Variants in GFOD2 observed in about 807,000 individuals in gnomAD.
GFOD2 encodes glucose-fructose oxidoreductase domain-containing protein 2.
In GFOD2, 9 loss-of-function variants were observed where a neutral mutation model predicts 24.6. That is an observed-to-expected ratio of 0.37 (90% CI 0.22 to 0.64). The LOEUF (loss-of-function observed/expected upper bound fraction) is 0.64. Ranked by LOEUF, GFOD2 falls within the 30% of genes least tolerant of loss-of-function variation. The pLI, the probability that GFOD2 is intolerant of heterozygous loss-of-function variation, is 0.65. For synonymous variants in GFOD2, 211 were observed against 224.8 expected (o/e 0.94, Z 0.55); for missense variants, 476 against 532.5 (o/e 0.89, Z 1.04).
Position 67,710,441 on chromosome 16 carries a change from C to T in GFOD2, c.-88+8722G>A, listed in dbSNP as rs758113933. Among the ~76,000 whole-genome samples, 37 of 152,108 alleles carry T rather than the reference C, an allele frequency of 2.4e-4. 1 individual carries two copies. Among genetic ancestry groups the T allele is most frequent in the Admixed American group, 1.1e-3 (17 of 15,268 alleles). On this transcript the variant is annotated intron_variant, in intron 1 of 2. Transcript: ENST00000268797. ...GTGCAGTGGTGCGATCTCAGCTCAC[C>T]GCAAGCTCCGCCTCCCGGGTTCACG...
At chr16:67,707,183 A>AC (rs1268272236) in intron 1 of GFOD2, among the ~76,000 whole-genome samples, 1 of 151,924 alleles carries the variant, frequency 6.6e-6, no homozygotes, top group Non-Finnish European at 1.5e-5. Flanking sequence ...ACATGGTGAA[A>AC]CCCCATGTCT....
chr16:67,714,341 T>C (rs1381835222), intron 1 of GFOD2, among the ~76,000 whole-genome samples: 2 of 151,678 alleles, frequency 1.3e-5, no homozygotes, highest in Non-Finnish European at 2.9e-5. Flanking sequence ...TAGCCAGGCA[T>C]GAAGGCGCAC....
rs1298369995 is a variant in GFOD2, at chr16:67,691,559, T to G, written c.-87-5757A>C. ...AGACTCTGCGGCAGGTCCCTCTGCA[T>G]AGCACAGCTTCTGCTTTCTTTGAGA... On this transcript the variant is annotated intron_variant, in intron 1 of 2. Transcript: ENST00000268797. 3.4e-5 allele frequency among the ~76,000 whole-genome samples: 5 copies of G among 148,238 alleles called. No homozygotes were observed. In the East Asian group the frequency reaches 9.8e-4, roughly 29 times the overall value.
At chr16:67,682,701 G>A in intron 2 of GFOD2, 1 of 985,212 alleles carries the variant, frequency 1.0e-6, no homozygotes, top group Non-Finnish European at 1.2e-6. Flanking sequence ...AATAATGAGG[G>A]CAAGAAATGA....
At chr16:67,677,734 A>G (rs1215324184) in intron 2 of GFOD2, 1 of 152,254 alleles carries the variant, frequency 6.6e-6, no homozygotes, top group Non-Finnish European at 1.5e-5. Context: ...ACTGGATACC[A>G]AGTCTTGGGC....
intron 1 of GFOD2, among the ~76,000 whole-genome samples, chr16:67,697,514 A>G (rs760488351): frequency 2.0e-5 from 3 of 152,202 alleles, no homozygotes; most frequent in Non-Finnish European, 4.4e-5. Flanking sequence ...TGTTGTACAG[A>G]TAAGAAAACA....
At position 67,718,898 on chromosome 16, in the gene GFOD2, C is replaced by T. The variant is rs763941882; in HGVS notation, c.-88+265G>A. Reference sequence around the variant, plus strand: ...CATCTGGTAAAAGGATGGGTTATGTCTCAGGTTCTTCCAGGATCCCAAATC... The same window carrying T: ...CATCTGGTAAAAGGATGGGTTATGTTTCAGGTTCTTCCAGGATCCCAAATC... On this transcript the variant is annotated intron_variant, in intron 1 of 2. Coordinates refer to ENST00000268797, the MANE Select transcript of GFOD2 (RefSeq NM_030819.4). Among the ~76,000 whole-genome samples, 15 of 152,164 alleles carry T rather than the reference C, an allele frequency of 9.9e-5. 1 individual carries two copies. Among genetic ancestry groups the T allele is most frequent in the Non-Finnish European group, 2.1e-4 (14 of 68,034 alleles).
chr16:67,702,339 G>C (rs959301795), intron 1 of GFOD2, among the ~76,000 whole-genome samples: 20 of 151,924 alleles, frequency 1.3e-4, no homozygotes, highest in African/African-American at 4.3e-4. Context: ...CCAGGCTTCA[G>C]GGTGTGCGCC....
intron 2 of GFOD2, 107 bp from the exon 3 acceptor site, chr16:67,676,160 T>C: frequency 8.9e-7 from 1 of 1,128,390 alleles, no homozygotes; most frequent in Non-Finnish European, 1.2e-6. Flanking sequence ...CTGCACGAAC[T>C]AATTTTTTTT....
At chr16:67,684,792 C>A (rs144021557) in intron 2 of GFOD2, 2 of 984,986 alleles carry the variant, frequency 2.0e-6, no homozygotes, top group Admixed American at 1.2e-4. Flanking sequence ...GAAGTTGACT[C>A]CAGTTGACTG....
chr16:67,678,615 T>A (rs1432443467), intron 2 of GFOD2, among the ~76,000 whole-genome samples: 2 of 152,142 alleles, frequency 1.3e-5, no homozygotes, highest in Non-Finnish European at 2.9e-5. Flanking sequence ...ATTCCTGTGC[T>A]CAAATCTTGG....
intron 1 of GFOD2, among the ~76,000 whole-genome samples, chr16:67,702,408 A>G (rs1018186881): frequency 1.3e-5 from 2 of 151,734 alleles, no homozygotes; most frequent in African/African-American, 4.8e-5. Flanking sequence ...TGGGAGGCAG[A>G]GGTTGCAGTG....
At chr16:67,682,039 T>A (rs1043209512) in intron 2 of GFOD2, 8 of 282,736 alleles carry the variant, frequency 2.8e-5, no homozygotes, top group Non-Finnish European at 4.2e-5. Context: ...TTTTTACTTT[T>A]CTTTTCTTTT....
rs1383190629 is a variant in GFOD2, at chr16:67,685,797, T to C, written c.-82A>G. 4.7e-6 allele frequency: 7 copies of C among 1,490,248 alleles called. No homozygotes were observed. In the African/African-American group the frequency reaches 8.3e-5, roughly 18 times the overall value. The allele number at this position is 1,490,248 out of a possible 1,614,324, so 92.3% of individuals were successfully genotyped here. A position where few individuals can be genotyped will look rare whatever the true frequency, so the allele number is the denominator to read the frequency against. On this transcript the variant is annotated 5_prime_UTR_variant, in exon 2 of 3. An upstream start codon of the reference 5' UTR is lost. Coordinates refer to ENST00000268797, the MANE Select transcript of GFOD2 (RefSeq NM_030819.4). ...ATCTTCCAAACGTCCTGGTCAGACA[T>C]GGCTCCTAGAATAGCAAACATTACA... is the stretch of plus-strand genomic sequence containing the variant.
intron 1 of GFOD2, among the ~76,000 whole-genome samples, chr16:67,702,915 T>TA (rs1567660432): frequency 6.6e-6 from 1 of 151,934 alleles, no homozygotes; most frequent in Admixed American, 6.6e-5. Flanking sequence ...AGGATTACAG[T>TA]AAAAAAAGAA....
At chr16:67,682,751 A>G in intron 2 of GFOD2, 1 of 985,454 alleles carries the variant, frequency 1.0e-6, no homozygotes. Context: ...ATAAAGCTCT[A>G]GCAAGGAGAG....
At chr16:67,689,578 G>A (rs1233973165) in intron 1 of GFOD2, among the ~76,000 whole-genome samples, 1 of 151,978 alleles carries the variant, frequency 6.6e-6, no homozygotes, top group Non-Finnish European at 1.5e-5. Flanking sequence ...GGTGGAGACA[G>A]GAGAATTGCT....
intron 1 of GFOD2, among the ~76,000 whole-genome samples, chr16:67,710,525 G>A (rs1280673265): frequency 2.6e-5 from 4 of 152,018 alleles, no homozygotes; most frequent in East Asian, 1.9e-4. Flanking sequence ...TACCATGCCC[G>A]GCTAATTTTT....
intron 1 of GFOD2, among the ~76,000 whole-genome samples, chr16:67,707,222 G>T (rs1370670667): frequency 6.6e-6 from 1 of 151,950 alleles, no homozygotes; most frequent in African/African-American, 2.4e-5. Context: ...GCCTGGTGTG[G>T]TGGTGCATGC....
Sources: allele counts gnomAD v4.1 joint callset (sites outside exome capture counted in the v4.1 genomes callset), GRCh38; gene constraint gnomAD v4.1.1; transcripts MANE v1.5; gene names NCBI Gene and HGNC (gene_info 2026-07-23, HGNC 2026-07-21).